KATNA1: variants seen among roughly 807,000 people sequenced by gnomAD.
KATNA1 encodes katanin catalytic subunit A1.
In KATNA1, 42 loss-of-function variants were observed where a neutral mutation model predicts 62.6. The observed-to-expected ratio is 0.67, with a 90% CI of 0.52 to 0.87. The LOEUF is 0.87. KATNA1 is among the 40% of genes least tolerant of loss of function. The pLI is 0.00. For missense variants in KATNA1, 498 were observed against 612.5 expected (o/e 0.81, Z 1.97); for synonymous variants, 186 against 201.9 (o/e 0.92, Z 0.67).
rs73781280 is a variant in KATNA1, at chr6:149,604,015, A to T, written c.624-642T>A. On this transcript the variant is annotated intron_variant, in intron 5 of 10. Transcript: ENST00000367411. Reference sequence around the variant, plus strand: ...CATTAAGGTTTTAACAGAAATATAAAATACCTAACTTTGTGGAAAAGTTAA... The same window carrying T: ...CATTAAGGTTTTAACAGAAATATAATATACCTAACTTTGTGGAAAAGTTAA... 3.6e-3 allele frequency among the ~76,000 whole-genome samples: 549 copies of T among 152,352 alleles called. 3 individuals carry two copies. Among genetic ancestry groups the T allele is most frequent in the African/African-American group, 0.013 (524 of 41,588 alleles).
intron 4 of KATNA1, among the ~76,000 whole-genome samples, chr6:149,608,242 T>C (rs1219395606): frequency 1.3e-5 from 2 of 152,106 alleles, no homozygotes; most frequent in Non-Finnish European, 2.9e-5. Flanking sequence ...TTGGGTATTA[T>C]ACATACCACA....
chr6:149,618,788 G>A (rs1779279883), intron 4 of KATNA1, among the ~76,000 whole-genome samples: 1 of 152,120 alleles, frequency 6.6e-6, no homozygotes, highest in Non-Finnish European at 1.5e-5. Context: ...GCAGAAATAA[G>A]GAGCTAGACC....
chr6:149,638,277 G>A lies in KATNA1; in HGVS notation c.162+109C>T, dbSNP rs184315914. ...GAGTGAGCCACTGTGTACTGTGCTC[G>A]GTAGTCATACAGTCTTAACATGTAA... On this transcript the variant is annotated intron_variant, in intron 2 of 10. Transcript: ENST00000367411. The A allele has an allele frequency of 6.7e-4, 693 of 1,032,790 alleles. 3 individuals are homozygous for A. The African/African-American group carries it at 8.4e-3, about 12-fold the overall frequency. 64.0% of individuals were successfully genotyped at this position (1,032,790 alleles called of 1,614,324 possible). A position where few individuals can be genotyped will look rare whatever the true frequency, so the allele number is the denominator to read the frequency against.
intron 4 of KATNA1, among the ~76,000 whole-genome samples, chr6:149,619,552 G>C (rs1479857598): frequency 1.3e-5 from 2 of 151,900 alleles, no homozygotes; most frequent in African/African-American, 4.8e-5. Flanking sequence ...GGCGGAGGTT[G>C]TAGTTAGCCA....
intron 4 of KATNA1, among the ~76,000 whole-genome samples, chr6:149,609,325 T>G (rs991137817): frequency 6.6e-6 from 1 of 152,132 alleles, no homozygotes; most frequent in Non-Finnish European, 1.5e-5. Context: ...AGCAGATTTC[T>G]TCTCAGAAAA....
At chr6:149,612,464 G>A (rs12111169) in intron 4 of KATNA1, among the ~76,000 whole-genome samples, 2,879 of 151,012 alleles carry the variant, frequency 0.019, 96 homozygotes, top group African/African-American at 0.068. Context: ...AGCCAAGATC[G>A]CGCCACTGCA....
intron 4 of KATNA1, among the ~76,000 whole-genome samples, chr6:149,608,335 C>G (rs1464994788): frequency 4.6e-5 from 7 of 152,178 alleles, no homozygotes; most frequent in Admixed American, 3.3e-4. Context: ...CCTGGGTTTT[C>G]TTTCTTTCAA....
At position 149,628,832 on chromosome 6, in the gene KATNA1, G is replaced by GA. The variant is rs1335423364; in HGVS notation, c.320+3926dup. ...GAGACTCCATCTCAAAAAAAAAAAA[G>GA]AAAAAAAAAAGAATGACCCTCTTAA... On this transcript the variant is annotated intron_variant, in intron 3 of 10. Transcript: ENST00000367411. 2.8e-4 allele frequency among the ~76,000 whole-genome samples: 37 copies of GA among 133,160 alleles called. 1 individual carries two copies. Among genetic ancestry groups the GA allele is most frequent in the African/African-American group, 6.2e-4 (22 of 35,496 alleles). 87.4% of individuals were successfully genotyped at this position (133,160 alleles called of 152,430 possible).
chr6:149,595,859 TTAAG>T (rs1582745105), intron 10 of KATNA1, among the ~76,000 whole-genome samples: 1 of 152,232 alleles, frequency 6.6e-6, no homozygotes, highest in Non-Finnish European at 1.5e-5. Context: ...CCCTGGTTAA[TTAAG>T]TGTCTCTACT....
intron 4 of KATNA1, among the ~76,000 whole-genome samples, chr6:149,621,996 TAGCGGGGACAGA>T (rs976487653): frequency 2.0e-5 from 3 of 152,214 alleles, no homozygotes; most frequent in East Asian, 1.9e-4. Flanking sequence ...TAATCTGACC[TAGCGGGGACAGA>T]AGGGGGGAAA....
In KATNA1 at chr6:149,600,579, G is replaced by A. The variant is rs139567796; in HGVS notation, c.888+1015C>T. 1.8e-4 allele frequency among the ~76,000 whole-genome samples: 28 copies of A among 152,154 alleles called. No homozygotes were observed. In the East Asian group the frequency reaches 5.2e-3, roughly 28 times the overall value. Reference sequence around the variant, plus strand: ...GGCTAGGAGGTGAAGGCTGCTGTGAGCCGAGATTGCAACACTGCACTCCAG... The same window carrying A: ...GGCTAGGAGGTGAAGGCTGCTGTGAACCGAGATTGCAACACTGCACTCCAG... On this transcript the variant is annotated intron_variant, in intron 7 of 10. Transcript: ENST00000367411.
chr6:149,640,865 G>C (rs1030679144), intron 1 of KATNA1, among the ~76,000 whole-genome samples: 2 of 140,164 alleles, frequency 1.4e-5, no homozygotes, highest in African/African-American at 5.3e-5. Flanking sequence ...TTTTGTTGTT[G>C]TTGTTTTTGT....
At chr6:149,600,630 C>CA (rs1433104770) in intron 7 of KATNA1, among the ~76,000 whole-genome samples, 1 of 151,160 alleles carries the variant, frequency 6.6e-6, no homozygotes, top group South Asian at 2.1e-4. Context: ...GAGACCCTGT[C>CA]AAAAAAAATA....
chr6:149,614,207 C>A (rs920464696), intron 4 of KATNA1, among the ~76,000 whole-genome samples: 2 of 152,110 alleles, frequency 1.3e-5, no homozygotes, highest in African/African-American at 4.8e-5. Context: ...CCAGGATGGT[C>A]AAAAAGGACC....
intron 7 of KATNA1, 116 bp downstream of exon 7, chr6:149,601,478 A>G: frequency 1.2e-6 from 1 of 818,864 alleles, no homozygotes; most frequent in Middle Eastern, 3.1e-4. Flanking sequence ...CATAGGACTC[A>G]TACTCTGGGC....
At chr6:149,602,976 C>T (rs191852525) in intron 6 of KATNA1, among the ~76,000 whole-genome samples, 17 of 152,310 alleles carry the variant, frequency 1.1e-4, no homozygotes, top group African/African-American at 3.8e-4. Context: ...CCGCCTCGGC[C>T]TCCTAAAGTG....
chr6:149,606,169 C>T (rs1275543401), intron 4 of KATNA1, among the ~76,000 whole-genome samples: 2 of 152,148 alleles, frequency 1.3e-5, no homozygotes, highest in African/African-American at 4.8e-5. Flanking sequence ...TCCGTTCTGA[C>T]TGCAGGGTTT....
At chr6:149,603,540 A>G (rs1486318938) in intron 5 of KATNA1, among the ~76,000 whole-genome samples, 167 bp from the exon 6 acceptor site, 1 of 152,162 alleles carries the variant, frequency 6.6e-6, no homozygotes. Flanking sequence ...CATGTCAACC[A>G]GCAGATATAT....
At chr6:149,603,499 G>A (rs978919853) in intron 5 of KATNA1, 126 bp from the exon 6 acceptor site, 17 of 537,570 alleles carry the variant, frequency 3.2e-5, no homozygotes, top group Admixed American at 1.1e-4. Context: ...CTCTGAGCCC[G>A]GGTGAACTAA....
Sources: allele counts gnomAD v4.1 joint callset (sites outside exome capture counted in the v4.1 genomes callset), GRCh38; gene constraint gnomAD v4.1.1; transcripts MANE v1.5; gene names NCBI Gene and HGNC (gene_info 2026-07-23, HGNC 2026-07-21).